Variants in BMP10 observed in about 807,000 individuals in gnomAD.
The protein encoded by BMP10 is bone morphogenetic protein 10.
BMP10 carries 9 observed loss-of-function variants against 29.9 expected under a neutral mutation model. The observed-to-expected ratio is 0.30, with a 90% CI of 0.18 to 0.53. The LOEUF (loss-of-function observed/expected upper bound fraction) is 0.53. Ranked by LOEUF, BMP10 falls within the 20% of genes least tolerant of loss-of-function variation. The pLI is 0.96. For missense variants in BMP10, 474 were observed against 524.3 expected (o/e 0.90, Z 0.94); for synonymous variants, 202 against 200.2 (o/e 1.01, Z -0.07).
chr2:68,864,462 G>A lies in BMP10; in HGVS notation c.*1169C>T, dbSNP rs1332026731. Reference sequence around the variant, plus strand: ...AACACTAACTCCTTTCACCCTGAGAGCAAAGGCACTTAGGTGTCCCTTTCC... The same window carrying A: ...AACACTAACTCCTTTCACCCTGAGAACAAAGGCACTTAGGTGTCCCTTTCC... On this transcript the variant is annotated 3_prime_UTR_variant, in exon 2 of 2. Transcript: ENST00000295379. Among the ~76,000 whole-genome samples, 4 of 152,142 alleles carry A rather than the reference G, an allele frequency of 2.6e-5. No individual in the cohort carries two copies. Among genetic ancestry groups the A allele is most frequent in the Non-Finnish European group, 5.9e-5 (4 of 68,020 alleles).
At chr2:68,866,989 A>T (rs907184054) in intron 1 of BMP10, among the ~76,000 whole-genome samples, 2 of 151,498 alleles carry the variant, frequency 1.3e-5, no homozygotes, top group South Asian at 4.1e-4. Flanking sequence ...GGGGATGAGG[A>T]CTTCATGGTT....
chr2:68,868,231 T>G lies in BMP10; in HGVS notation c.335-1660A>C, dbSNP rs3792229. The stretch of plus-strand genomic sequence containing the variant: ...CTTTACCACCTGTCAAAACACTCTT[T>G]TTTTCCCTGCAATTTTCACCTTTTC... On this transcript the variant is annotated intron_variant, in intron 1 of 1. Transcript: ENST00000295379. Among the ~76,000 whole-genome samples, 583 of 152,318 alleles carry G rather than the reference T, an allele frequency of 3.8e-3. 21 individuals are homozygous for G. In the East Asian group the frequency reaches 0.085, roughly 22 times the overall value.
Position 68,865,484 on chromosome 2 carries a change from A to G in BMP10, c.*147T>C. On this transcript the variant is annotated 3_prime_UTR_variant, in exon 2 of 2. Transcript: ENST00000295379. This position sits in a 1 kb window ranked among gnomAD's most constrained non-coding sequence, Gnocchi z 4.7. The stretch of plus-strand genomic sequence containing the variant: ...GAAAGGGACTTAACTGGAGAGGAAA[A>G]TATGCATTTCCTACAACAAACTGAC... The G allele has an allele frequency of 1.3e-6, 1 of 798,258 alleles. No individual in the cohort carries two copies. The highest frequency in any genetic ancestry group is 1.9e-6 in the Non-Finnish European group (1 of 516,538). 49.4% of individuals were successfully genotyped at this position (798,258 alleles called of 1,614,324 possible).
chr2:68,866,973 C>G (rs550818323), intron 1 of BMP10, among the ~76,000 whole-genome samples: 3 of 152,038 alleles, frequency 2.0e-5, no homozygotes, highest in Non-Finnish European at 2.9e-5. Flanking sequence ...TTTCTTGAAG[C>G]TTTTCGGGGA....
rs906171019 is a variant in BMP10 at position 68,865,511 on chromosome 2, T to C, written c.*120A>G. On this transcript the variant is annotated 3_prime_UTR_variant, in exon 2 of 2. Transcript: ENST00000295379. This position sits in a 1 kb window ranked among gnomAD's most constrained non-coding sequence, Gnocchi z 4.7. ...ATGCATTTCCTACAACAAACTGACC[T>C]GTCCATTTCCTGAAGGCAGCAAGCC... The C allele has an allele frequency of 5.0e-6, 5 of 1,009,750 alleles. No individual in the cohort carries two copies. The allele number at this position is 1,009,750 out of a possible 1,614,324, so 62.5% of individuals were successfully genotyped here.
Position 68,866,401 on chromosome 2 carries a change from C to G in BMP10, c.505G>C (p.Glu169Gln). 1 of 1,613,920 alleles carries G rather than the reference C, an allele frequency of 6.2e-7. No homozygotes were observed. The highest frequency in any genetic ancestry group is 8.5e-7 in the Non-Finnish European group (1 of 1,179,946). ...TTATCCCCTTTGCTCTCCAGCACTTCAAAAATGGTAATTTTCCGGTCTACT... is the reference window on the plus strand; with the variant it reads ...TTATCCCCTTTGCTCTCCAGCACTTGAAAAATGGTAATTTTCCGGTCTACT... ...DGVDRKITIF[E>Q]VLESKGDNEG... Residue 169 changes from glutamate (E) to glutamine (Q), a missense_variant, in exon 2 of 2, where the codon GAA becomes CAA. Physicochemically the swap from Glu to Gln is conservative, Grantham distance 29. Coordinates refer to ENST00000295379, the MANE Select transcript of BMP10 (RefSeq NM_014482.3).
At chr2:68,869,769 G>A (rs78392496) in intron 1 of BMP10, among the ~76,000 whole-genome samples, 1,800 of 152,252 alleles carry the variant, frequency 0.012, 50 homozygotes, top group African/African-American at 0.041. Flanking sequence ...AATTTTGGCA[G>A]CCAACTCAAT....
chr2:68,867,433 G>C (rs527273449), intron 1 of BMP10, among the ~76,000 whole-genome samples: 3 of 152,228 alleles, frequency 2.0e-5, no homozygotes, highest in Non-Finnish European at 4.4e-5. Flanking sequence ...CCTGGGACTA[G>C]ATTGGTTGCC....
At chr2:68,869,797 T>C (rs979657483) in intron 1 of BMP10, among the ~76,000 whole-genome samples, 1 of 152,236 alleles carries the variant, frequency 6.6e-6, no homozygotes, top group Non-Finnish European at 1.5e-5. Flanking sequence ...GGAGATAATA[T>C]CTTAGGGACT....
In BMP10 at chr2:68,871,128, G is replaced by T; in HGVS notation, c.231C>A (p.Ala77=). 1 of 1,614,176 alleles carries T rather than the reference G, an allele frequency of 6.2e-7. No individual in the cohort carries two copies. Among genetic ancestry groups the T allele is most frequent in the Non-Finnish European group, 8.5e-7 (1 of 1,180,024 alleles). ...NLSDIPTQDS[A]KVDPPEYMLE... ...ACATGTACTCTGGTGGGTCCACCTT[G>T]GCTGAATCCTGCGTGGGGATGTCAG... is the stretch of plus-strand genomic sequence containing the variant. The change falls in exon 1 of 2, where the codon GCC becomes GCA. Residue 77 remains alanine (A), a synonymous_variant. Coordinates refer to ENST00000295379, the MANE Select transcript of BMP10 (RefSeq NM_014482.3).
At position 68,861,731 on chromosome 2, in the gene BMP10, T is replaced by C. The variant is rs575840611; in HGVS notation, c.*3900A>G. ...AAGAAGAATACATAAAATTCTCTTA[T>C]ATGAAAATATCTTTTACTTGAAGAA... On this transcript the variant is annotated 3_prime_UTR_variant, in exon 2 of 2. Transcript: ENST00000295379. Among the ~76,000 whole-genome samples, 2 of 152,338 alleles carry C rather than the reference T, an allele frequency of 1.3e-5. No individual in the cohort carries two copies. The highest frequency in any genetic ancestry group is 4.1e-4 in the South Asian group (2 of 4,824).
Position 68,866,509 on chromosome 2 carries a change from A to G in BMP10, c.397T>C (p.Ser133Pro). Residue 133 changes from serine to proline, a missense_variant, in exon 2 of 2, where the codon TCC becomes CCC. By Grantham distance (74) the Ser-to-Pro change is moderately conservative. This residue lies in a region of BMP10 where 408 missense variants were observed against 415.3 expected (regional missense o/e 0.98). Transcript: ENST00000295379. ...ATGACCTCTTCATGGTGAGGAATGG[A>G]CACATTGAAGAGGAGGGGGTATTTT... is the stretch of plus-strand genomic sequence containing the variant. ...LRKYPLLFNVSIPHHEEVIMA... is the reference protein window; with the variant it reads ...LRKYPLLFNVPIPHHEEVIMA... The G allele has an allele frequency of 3.1e-6, 5 of 1,613,942 alleles. No homozygotes were observed. The highest frequency in any genetic ancestry group is 4.2e-6 in the Non-Finnish European group (5 of 1,179,918).
chr2:68,866,803 G>T (rs1381059501), intron 1 of BMP10, among the ~76,000 whole-genome samples: 1 of 152,172 alleles, frequency 6.6e-6, no homozygotes, highest in Non-Finnish European at 1.5e-5. Flanking sequence ...AATGGAAAAT[G>T]GGGGTCTAAT....
Position 68,863,411 on chromosome 2 carries a change from A to G in BMP10, c.*2220T>C, listed in dbSNP as rs1473929359. On this transcript the variant is annotated 3_prime_UTR_variant, in exon 2 of 2. Transcript: ENST00000295379. The stretch of plus-strand genomic sequence containing the variant: ...GCTGAGGTTTTACTGTGTATGTATT[A>G]CAGTGTCCTTTAGAAAGGATAAGAA... 6.6e-6 allele frequency among the ~76,000 whole-genome samples: 1 copy of G among 152,198 alleles called. No individual in the cohort carries two copies. Among genetic ancestry groups the G allele is most frequent in the Admixed American group, 6.5e-5 (1 of 15,280 alleles).
intron 1 of BMP10, among the ~76,000 whole-genome samples, chr2:68,867,390 G>C (rs1378226176): frequency 1.3e-5 from 2 of 152,190 alleles, no homozygotes. Context: ...TGGTTATATG[G>C]TTCTCTATAA....
In BMP10 at chr2:68,862,909, T is replaced by C. The variant is rs1369726641; in HGVS notation, c.*2722A>G. 2.0e-5 allele frequency among the ~76,000 whole-genome samples: 3 copies of C among 152,218 alleles called. No homozygotes were observed. Among genetic ancestry groups the C allele is most frequent in the East Asian group, 3.8e-4 (2 of 5,202 alleles). ...ATAGAAATGCAGGTTTACATCTGGATGGGCAGAAAGAAACAACTGGGCTAT... is the reference window on the plus strand; with the variant it reads ...ATAGAAATGCAGGTTTACATCTGGACGGGCAGAAAGAAACAACTGGGCTAT... On this transcript the variant is annotated 3_prime_UTR_variant, in exon 2 of 2. Transcript: ENST00000295379.
intron 1 of BMP10, among the ~76,000 whole-genome samples, chr2:68,867,074 C>T (rs1682975293): frequency 6.6e-6 from 1 of 152,138 alleles, no homozygotes; most frequent in Non-Finnish European, 1.5e-5. Context: ...AAAAGACCTC[C>T]ATTTAGATCA....
rs1241183966 is a variant in BMP10 at position 68,864,128 on chromosome 2, T to C, written c.*1503A>G. ...TGTGCAGAACACTTCCTCACCACTT[T>C]CAGTCCTGGCCAGTTGCAAAATGGG... On this transcript the variant is annotated 3_prime_UTR_variant, in exon 2 of 2. Transcript: ENST00000295379. Among the ~76,000 whole-genome samples the C allele has an allele frequency of 6.6e-6, 1 of 152,148 alleles. No individual in the cohort carries two copies. The highest frequency in any genetic ancestry group is 1.5e-5 in the Non-Finnish European group (1 of 68,016).
intron 1 of BMP10, among the ~76,000 whole-genome samples, chr2:68,868,367 C>T (rs1367408424): frequency 1.3e-5 from 2 of 152,118 alleles, no homozygotes; most frequent in African/African-American, 4.8e-5. Flanking sequence ...CCCTCCTCTC[C>T]CCTCTGAAAT....
Sources: gnomAD v4.1 joint callset for allele counts (sites outside exome capture counted in the v4.1 genomes callset) on GRCh38, gnomAD v4.1.1 for gene constraint, gnomAD v4.1.1 regional missense constraint, Gnocchi (gnomAD v3.1) non-coding constraint, MANE v1.5 for transcripts, NCBI Gene and HGNC (gene_info 2026-07-23, HGNC 2026-07-21) for gene names.